Variants in MAP2 observed in about 807,000 individuals in gnomAD.
The protein encoded by MAP2 is microtubule-associated protein 2.
MAP2 carries 14 observed loss-of-function variants against 137.6 expected under a neutral mutation model. The ratio of observed to expected loss-of-function variants is 0.10; its 90% CI spans 0.07 to 0.16. The LOEUF (loss-of-function observed/expected upper bound fraction) is 0.16. Ranked by LOEUF, MAP2 falls within the 10% of genes least tolerant of loss-of-function variation. MAP2 has a pLI of 1.00. For synonymous variants in MAP2, 786 were observed against 782.3 expected, an observed-to-expected ratio of 1.00 and a Z score of -0.08; for missense variants, 2,088 against 2,191.5, an observed-to-expected ratio of 0.95 and a Z score of 0.94.
intron 2 of MAP2, among the ~76,000 whole-genome samples, chr2:209,525,397 G>A (rs2063879463): frequency 6.6e-6 from 1 of 152,046 alleles, no homozygotes; most frequent in African/African-American, 2.4e-5. Context: ...AATAATAAAA[G>A]TAAGTTGTAA....
At chr2:209,445,668 G>A (rs1235919311) in intron 1 of MAP2, among the ~76,000 whole-genome samples, 4 of 151,520 alleles carry the variant, frequency 2.6e-5, no homozygotes, top group Non-Finnish European at 4.4e-5. Context: ...ATATGATCAA[G>A]AAAATCATGT....
chr2:209,628,237 T>C (rs1828281), intron 4 of MAP2, among the ~76,000 whole-genome samples: 10,279 of 152,072 alleles, frequency 0.068, 831 homozygotes, highest in South Asian at 0.23. Flanking sequence ...TGGTGGCACG[T>C]GCCTGTAATC....
intron 2 of MAP2, 43 bp from the exon 3 acceptor site, chr2:209,579,993 C>CATATATATATATAT (rs3036661): frequency 1.4e-4 from 21 of 145,674 alleles, no homozygotes; most frequent in African/African-American, 5.0e-4. Flanking sequence ...TTAACAAATC[C>CATATATATATATAT]ATATATATAT....
chr2:209,443,520 T>G (rs1698324395), intron 1 of MAP2, among the ~76,000 whole-genome samples: 1 of 151,572 alleles, frequency 6.6e-6, no homozygotes, highest in Admixed American at 6.6e-5. Context: ...TGCTTTAGTA[T>G]AACAAATATT....
intron 3 of MAP2, among the ~76,000 whole-genome samples, chr2:209,598,710 T>A (rs987699811): frequency 6.6e-6 from 1 of 151,228 alleles, no homozygotes; most frequent in Non-Finnish European, 1.5e-5. Flanking sequence ...TGGTTTTTTG[T>A]TCTTGCAATA....
At chr2:209,430,659 A>G (rs903599713) in intron 1 of MAP2, among the ~76,000 whole-genome samples, 1 of 152,200 alleles carries the variant, frequency 6.6e-6, no homozygotes, top group Non-Finnish European at 1.5e-5. Context: ...GCTCAAAATT[A>G]AAACATCTCC....
At chr2:209,570,003 T>C (rs1405929955) in intron 2 of MAP2, among the ~76,000 whole-genome samples, 2 of 151,776 alleles carry the variant, frequency 1.3e-5, no homozygotes, top group Non-Finnish European at 3.0e-5. Flanking sequence ...ACCAGATAGA[T>C]AGTAATTAAA....
chr2:209,554,714 C>T (rs2153316463), intron 2 of MAP2, among the ~76,000 whole-genome samples: 1 of 151,670 alleles, frequency 6.6e-6, no homozygotes, highest in East Asian at 1.9e-4. Context: ...TGAATTATTC[C>T]ACTGCACACC....
intron 1 of MAP2, among the ~76,000 whole-genome samples, chr2:209,437,383 C>G (rs1559161347): frequency 6.6e-6 from 1 of 151,682 alleles, no homozygotes; most frequent in Admixed American, 6.6e-5. Context: ...TATTCTGTCT[C>G]TCTCCAGAAT....
chr2:209,456,871 A>G (rs754838117), intron 1 of MAP2, among the ~76,000 whole-genome samples: 7 of 152,208 alleles, frequency 4.6e-5, no homozygotes, highest in Non-Finnish European at 1.0e-4. Context: ...GGGATAAAGA[A>G]CAATCTTCAT....
chr2:209,472,460 G>A (rs1294542087), intron 1 of MAP2, among the ~76,000 whole-genome samples: 1 of 152,132 alleles, frequency 6.6e-6, no homozygotes, highest in Non-Finnish European at 1.5e-5. Context: ...GCCAGCCCTG[G>A]GTTATGTTGG....
At chr2:209,659,384 T>G (rs187540773) in intron 5 of MAP2, among the ~76,000 whole-genome samples, 2 of 152,304 alleles carry the variant, frequency 1.3e-5, no homozygotes, top group East Asian at 3.9e-4. Flanking sequence ...AAGGGACCAG[T>G]GAGATGACTT....
At chr2:209,522,987 A>G (rs919919353) in intron 2 of MAP2, among the ~76,000 whole-genome samples, 1 of 152,170 alleles carries the variant, frequency 6.6e-6, no homozygotes, top group Non-Finnish European at 1.5e-5. Context: ...GATGTATTAC[A>G]TACTTAAAAA....
At chr2:209,612,129 G>A (rs755746670) in intron 3 of MAP2, among the ~76,000 whole-genome samples, 2 of 152,106 alleles carry the variant, frequency 1.3e-5, no homozygotes, top group Non-Finnish European at 2.9e-5. Flanking sequence ...ATTTCATGCA[G>A]CGCCTTTATT....
intron 2 of MAP2, among the ~76,000 whole-genome samples, chr2:209,571,318 C>G (rs1205893483): frequency 1.3e-5 from 2 of 151,968 alleles, no homozygotes; most frequent in Admixed American, 1.3e-4. Context: ...CCACTCAGGT[C>G]AAGAAGACAT....
At chr2:209,554,967 A>G (rs961152255) in intron 2 of MAP2, among the ~76,000 whole-genome samples, 3 of 148,258 alleles carry the variant, frequency 2.0e-5, no homozygotes, top group Admixed American at 1.4e-4. Flanking sequence ...TTATATATAT[A>G]TATAATTTAC....
intron 2 of MAP2, among the ~76,000 whole-genome samples, chr2:209,565,332 CT>C (rs1401626288): frequency 6.6e-6 from 1 of 151,986 alleles, no homozygotes; most frequent in Non-Finnish European, 1.5e-5. Context: ...ATCCTTTCAC[CT>C]CAGCCTCTCT....
chr2:209,694,752 A>T lies in MAP2; in HGVS notation c.2582A>T (p.Asp861Val). Residue 861 changes from aspartate (D) to valine (V), a missense_variant, in exon 8 of 16, where the codon GAC becomes GTC. Around this residue, in one of 6 missense-constraint regions of MAP2, gnomAD observed 500 missense variants for 482.9 expected, o/e 1.04. Transcript: ENST00000682079. ...TDENHVIVKT[D>V]SQLEDLGYCV... The stretch of plus-strand genomic sequence containing the variant: ...GAAAACCATGTCATTGTAAAAACGG[A>T]CAGTCAGCTCGAAGACCTGGGCTAC... The T allele has an allele frequency of 6.2e-7, 1 of 1,614,174 alleles. No individual in the cohort carries two copies. The highest frequency in any genetic ancestry group is 8.5e-7 in the Non-Finnish European group (1 of 1,180,018).
intron 3 of MAP2, among the ~76,000 whole-genome samples, chr2:209,589,065 C>T (rs999945850): frequency 2.6e-5 from 4 of 151,932 alleles, no homozygotes; most frequent in Non-Finnish European, 5.9e-5. Context: ...GGAATAAGCT[C>T]CCTATGTTAT....
Sources: allele counts gnomAD v4.1 joint callset (sites outside exome capture counted in the v4.1 genomes callset), GRCh38; gene constraint gnomAD v4.1.1; regional missense constraint gnomAD v4.1.1; transcripts MANE v1.5; gene names NCBI Gene and HGNC (gene_info 2026-07-23, HGNC 2026-07-21).